FOXP1: variants seen among roughly 807,000 people sequenced by gnomAD.
FOXP1 encodes the protein forkhead box protein P1.
In FOXP1, 15 loss-of-function variants were observed where a neutral mutation model predicts 98.2. The observed-to-expected ratio is 0.15, with a 90% confidence interval of 0.10 to 0.24. FOXP1 has a LOEUF of 0.24. Among genes scored for constraint, FOXP1 ranks in the 10% least tolerant of loss-of-function variants. FOXP1 has a pLI of 1.00. For synonymous variants in FOXP1, 371 were observed against 314.5 expected (o/e 1.18, Z -1.90); for missense variants, 633 against 848.5 (o/e 0.75, Z 3.15).
At chr3:71,130,213 T>C (rs551869263) in intron 6 of FOXP1, among the ~76,000 whole-genome samples, 1 of 152,280 alleles carries the variant, frequency 6.6e-6, no homozygotes, top group African/African-American at 2.4e-5. Context: ...GTTTAGCCTA[T>C]AAAACTATCC....
intron 5 of FOXP1, chr3:71,296,414 T>C (rs1445405821): frequency 1.3e-5 from 2 of 152,234 alleles, no homozygotes; most frequent in Non-Finnish European, 2.9e-5. Context: ...TCTTTTTAAA[T>C]TGTATATTTC....
chr3:71,122,506 A>G (rs1188456066), intron 6 of FOXP1, among the ~76,000 whole-genome samples: 1 of 152,204 alleles, frequency 6.6e-6, no homozygotes, highest in African/African-American at 2.4e-5. Context: ...GTATCTGTAT[A>G]ACAATTTAAG....
rs34557857 is a variant in FOXP1, at chr3:71,539,506, C to CA, written c.-298+42042dup. 1.3e-3 allele frequency among the ~76,000 whole-genome samples: 192 copies of CA among 144,870 alleles called. 2 individuals are homozygous for CA. Among genetic ancestry groups the CA allele is most frequent in the Middle Eastern group, 3.5e-3 (1 of 284 alleles). ...TTAGCATCAATCTATCGATTTCTGC[C>CA]AAAAAAAAAAAAATACCTGGGATTT... is the stretch of plus-strand genomic sequence containing the variant. On this transcript the variant is annotated intron_variant, in intron 2 of 20. Coordinates refer to ENST00000649528, the MANE Select transcript of FOXP1 (RefSeq NM_001349338.3).
intron 13 of FOXP1, 130 bp downstream of exon 13, chr3:71,000,842 A>AATAAAATAAAATAAC (rs1335649060): frequency 4.8e-5 from 19 of 393,326 alleles, no homozygotes; most frequent in Admixed American, 4.8e-4. Flanking sequence ...AATAAAATAA[A>AATAAAATAAAATAAC]ATAAAGGACA....
intron 4 of FOXP1, among the ~76,000 whole-genome samples, chr3:71,329,587 A>C (rs76036754): frequency 2.2e-5 from 1 of 46,292 alleles, no homozygotes; most frequent in Admixed American, 2.7e-4. Context: ...AAAATGTTGA[A>C]AAAAAAAAAA....
intron 3 of FOXP1, among the ~76,000 whole-genome samples, chr3:71,380,586 T>C (rs896554041): frequency 6.6e-6 from 1 of 152,160 alleles, no homozygotes; most frequent in Non-Finnish European, 1.5e-5. Context: ...CAACTTAGAA[T>C]AAGTTCACAT....
Position 71,346,902 on chromosome 3 carries a change from G to T in FOXP1, c.-73+12248C>A, listed in dbSNP as rs918171648. Among the ~76,000 whole-genome samples, 16 of 152,160 alleles carry T rather than the reference G, an allele frequency of 1.1e-4. No individual in the cohort carries two copies. In the East Asian group the frequency reaches 2.1e-3, roughly 20 times the overall value. On this transcript the variant is annotated intron_variant, in intron 4 of 20. Transcript: ENST00000649528. ...TACTAAAATTACAAAAATTAGCTGG[G>T]CGTGGTGGCACGCACCTGCCTCAGG...
chr3:71,213,184 G>T (rs73108266), intron 5 of FOXP1, among the ~76,000 whole-genome samples: 1 of 152,078 alleles, frequency 6.6e-6, no homozygotes, highest in Non-Finnish European at 1.5e-5. Flanking sequence ...GGAAACACAC[G>T]GTGTGTTTTA....
intron 5 of FOXP1, among the ~76,000 whole-genome samples, chr3:71,202,637 CT>C (rs2063748357): frequency 6.6e-6 from 1 of 152,190 alleles, no homozygotes; most frequent in African/African-American, 2.4e-5. Flanking sequence ...CATAACTATT[CT>C]GTTTCAGACA....
chr3:71,194,439 C>G (rs1576321018), intron 6 of FOXP1, among the ~76,000 whole-genome samples: 1 of 152,078 alleles, frequency 6.6e-6, no homozygotes, highest in African/African-American at 2.4e-5. Context: ...AACTTCTAAA[C>G]ATTATGCTCT....
At chr3:71,571,582 A>G (rs1294514053) in intron 2 of FOXP1, 1 of 152,238 alleles carries the variant, frequency 6.6e-6, no homozygotes, top group African/African-American at 2.4e-5. Context: ...TGGCTGGTCA[A>G]GGTAAACATT....
chr3:71,341,294 AC>A (rs1229311253), intron 4 of FOXP1, among the ~76,000 whole-genome samples: 1 of 152,248 alleles, frequency 6.6e-6, no homozygotes, highest in East Asian at 1.9e-4. Flanking sequence ...GAAATCAGTA[AC>A]AAAAAAATGT....
chr3:71,120,438 A>G (rs2058677779), intron 6 of FOXP1, among the ~76,000 whole-genome samples: 1 of 152,220 alleles, frequency 6.6e-6, no homozygotes, highest in Non-Finnish European at 1.5e-5. Context: ...ATAACAGCTG[A>G]TATTTAGGTA....
chr3:71,096,679 A>C (rs2686268), intron 7 of FOXP1, among the ~76,000 whole-genome samples: 107,579 of 151,980 alleles, frequency 0.71, 39,333 homozygotes, highest in Admixed American at 0.82. Flanking sequence ...AGATCTATAT[A>C]ACCAGTAAGA....
chr3:71,053,908 G>T, intron 7 of FOXP1, 135 bp from the exon 8 acceptor site: 1 of 892,420 alleles, frequency 1.1e-6, no homozygotes, highest in Non-Finnish European at 1.8e-6. Context: ...TATCCAGAGG[G>T]GATGCAGCAA....
chr3:71,232,282 T>A (rs2066351632), intron 5 of FOXP1, among the ~76,000 whole-genome samples: 1 of 152,206 alleles, frequency 6.6e-6, no homozygotes, highest in Admixed American at 6.5e-5. Flanking sequence ...GTGCTATCGA[T>A]TATCAGTGGC....
At chr3:71,046,483 G>GA (rs1017816041) in intron 10 of FOXP1, among the ~76,000 whole-genome samples, 17 of 152,082 alleles carry the variant, frequency 1.1e-4, no homozygotes, top group African/African-American at 4.1e-4. Flanking sequence ...ATCGTTTACA[G>GA]AAAAATAAAC....
At chr3:71,009,916 AT>A (rs200610453) in intron 12 of FOXP1, among the ~76,000 whole-genome samples, 11,968 of 132,998 alleles carry the variant, frequency 0.09, 445 homozygotes, top group African/African-American at 0.13. Context: ...ACCCAGCTGA[AT>A]TTTTTTTTTT....
chr3:71,396,973 T>TATATAC (rs1237357238), intron 3 of FOXP1, among the ~76,000 whole-genome samples: 5 of 27,384 alleles, frequency 1.8e-4, no homozygotes, highest in African/African-American at 5.5e-4. Flanking sequence ...TGTGTGTATA[T>TATATAC]ATATATATGT....
Sources: gnomAD v4.1 joint callset for allele counts (sites outside exome capture counted in the v4.1 genomes callset) on GRCh38, gnomAD v4.1.1 for gene constraint, MANE v1.5 for transcripts, NCBI Gene and HGNC (gene_info 2026-07-23, HGNC 2026-07-21) for gene names.